The following CSMD1 variants were observed in gnomAD, a reference collection of about 807,000 sequenced individuals.
CSMD1 encodes the protein CUB and Sushi multiple domains 1.
In CSMD1, 213 loss-of-function variants were observed where a neutral mutation model predicts 417.5. The ratio of observed to expected loss-of-function variants is 0.51; its 90% CI spans 0.46 to 0.57. The LOEUF (loss-of-function observed/expected upper bound fraction) is 0.57, where lower values mean the gene tolerates loss of function less well. Among genes scored for constraint, CSMD1 ranks in the 20% least tolerant of loss-of-function variants. The pLI is 0.00. For missense variants in CSMD1, 6,923 were observed against 4,529.7 expected (o/e 1.53, Z -15.17); for synonymous variants, 2,862 against 1,736.8 (o/e 1.65, Z -16.11).
chr8:4,215,381 A>G (rs1800603873), intron 3 of CSMD1, among the ~76,000 whole-genome samples: 1 of 152,214 alleles, frequency 6.6e-6, no homozygotes, highest in South Asian at 2.1e-4. Flanking sequence ...TAGATAGAAC[A>G]TGAATAACAG....
chr8:4,244,308 T>C (rs925506806), intron 3 of CSMD1, among the ~76,000 whole-genome samples: 6 of 152,100 alleles, frequency 3.9e-5, no homozygotes, highest in African/African-American at 1.4e-4. Context: ...TGCAGTCTTG[T>C]CTCCATGCCT....
intron 5 of CSMD1, among the ~76,000 whole-genome samples, chr8:3,870,057 A>G (rs1422901029): frequency 2.0e-5 from 3 of 152,192 alleles, no homozygotes; most frequent in Non-Finnish European, 4.4e-5. Context: ...CTTAACTGTA[A>G]GCATACCCTC....
At chr8:3,276,620 A>G (rs1009704551) in intron 26 of CSMD1, among the ~76,000 whole-genome samples, 7 of 152,184 alleles carry the variant, frequency 4.6e-5, no homozygotes, top group African/African-American at 1.7e-4. Context: ...ACAATTCAAG[A>G]TAAGTTTTGG....
intron 26 of CSMD1, among the ~76,000 whole-genome samples, chr8:3,262,471 T>C (rs571959209): frequency 1.9e-4 from 29 of 151,170 alleles, no homozygotes; most frequent in African/African-American, 6.3e-4. Context: ...AAAGAAAGTG[T>C]CCTTTCCAGT....
chr8:4,371,439 G>A (rs13279504), intron 3 of CSMD1, among the ~76,000 whole-genome samples: 12,600 of 152,224 alleles, frequency 0.083, 712 homozygotes, highest in African/African-American at 0.16. Flanking sequence ...TTTTAAGGAG[G>A]AAATGGAGCA....
At chr8:4,123,815 G>A (rs536027617) in intron 3 of CSMD1, among the ~76,000 whole-genome samples, 36 of 152,250 alleles carry the variant, frequency 2.4e-4, no homozygotes, top group Admixed American at 1.1e-3. Context: ...AGAGAACTAA[G>A]TTCAAGTGAG....
chr8:4,623,789 C>G (rs6998666), intron 2 of CSMD1, among the ~76,000 whole-genome samples: 61,738 of 151,654 alleles, frequency 0.41, 13,056 homozygotes, highest in Admixed American at 0.55. Context: ...TTCAAAAAAG[C>G]AAACTAATTC....
intron 2 of CSMD1, among the ~76,000 whole-genome samples, chr8:4,469,593 G>T (rs372539147): frequency 1.1e-4 from 16 of 152,112 alleles, no homozygotes; most frequent in Non-Finnish European, 2.4e-4. Context: ...CCTTGGAGTG[G>T]TCTTTGACTC....
At chr8:3,410,311 G>C (rs1403425499) in intron 12 of CSMD1, among the ~76,000 whole-genome samples, 2 of 152,130 alleles carry the variant, frequency 1.3e-5, no homozygotes, top group African/African-American at 4.8e-5. Flanking sequence ...CCTGTTCTAG[G>C]TAAGGGCTTA....
At position 4,479,462 on chromosome 8, in the gene CSMD1, T is replaced by A. The variant is rs180941820; in HGVS notation, c.303-59397A>T. 2.1e-3 allele frequency among the ~76,000 whole-genome samples: 320 copies of A among 152,330 alleles called. 2 individuals are homozygous for A. Among genetic ancestry groups the A allele is most frequent in the Non-Finnish European group, 4.0e-3 (274 of 68,016 alleles). On this transcript the variant is annotated intron_variant, in intron 2 of 69. Coordinates refer to ENST00000635120, the MANE Select transcript of CSMD1 (RefSeq NM_033225.6). ...ACAATATATTTGGTGCAACTTACCA[T>A]ACAACCAAAATAACAAAGACCTTAA...
intron 5 of CSMD1, among the ~76,000 whole-genome samples, chr8:3,980,795 A>G (rs1031346793): frequency 1.3e-5 from 2 of 152,172 alleles, no homozygotes; most frequent in Non-Finnish European, 2.9e-5. Flanking sequence ...GACTGGGGAT[A>G]CATACCCCTT....
chr8:3,363,425 G>T (rs1161442350), intron 20 of CSMD1, among the ~76,000 whole-genome samples: 1 of 152,196 alleles, frequency 6.6e-6, no homozygotes, highest in Non-Finnish European at 1.5e-5. Context: ...AACAAATTCT[G>T]CCTAGGGAAA....
intron 30 of CSMD1, among the ~76,000 whole-genome samples, chr8:3,209,858 A>G (rs1007874215): frequency 6.6e-6 from 1 of 152,222 alleles, no homozygotes; most frequent in Non-Finnish European, 1.5e-5. Flanking sequence ...TAATTAGAAT[A>G]TATACATCTC....
chr8:4,920,784 T>C (rs1459816245), intron 1 of CSMD1, among the ~76,000 whole-genome samples: 1 of 150,802 alleles, frequency 6.6e-6, no homozygotes, highest in African/African-American at 2.5e-5. Flanking sequence ...GATTGTGCCA[T>C]TGCGGTCCAG....
chr8:3,738,776 G>A (rs184898654), intron 6 of CSMD1, among the ~76,000 whole-genome samples: 31 of 152,256 alleles, frequency 2.0e-4, no homozygotes, highest in African/African-American at 5.3e-4. Flanking sequence ...AACAACCTCC[G>A]TCAACTGGGT....
chr8:3,219,733 C>A (rs917851867), intron 28 of CSMD1, among the ~76,000 whole-genome samples: 1 of 152,060 alleles, frequency 6.6e-6, no homozygotes, highest in Non-Finnish European at 1.5e-5. Context: ...GTATGCTATC[C>A]TTTCCGTGTA....
intron 7 of CSMD1, among the ~76,000 whole-genome samples, chr8:3,699,360 T>A (rs1483762375): frequency 6.6e-6 from 1 of 152,222 alleles, no homozygotes; most frequent in Non-Finnish European, 1.5e-5. Context: ...GGATGAATTA[T>A]TTAATTATTT....
intron 20 of CSMD1, among the ~76,000 whole-genome samples, chr8:3,362,344 A>C (rs897065586): frequency 6.6e-6 from 1 of 152,042 alleles, no homozygotes; most frequent in Non-Finnish European, 1.5e-5. Context: ...CTTCCACTCA[A>C]ATGATCTTAC....
At chr8:4,936,630 G>A (rs1241721238) in intron 1 of CSMD1, among the ~76,000 whole-genome samples, 4 of 152,222 alleles carry the variant, frequency 2.6e-5, no homozygotes, top group Admixed American at 2.6e-4. Context: ...ATTACCTGGG[G>A]ATGCATTTTA....
Sources: gnomAD v4.1 joint callset for allele counts (sites outside exome capture counted in the v4.1 genomes callset) on GRCh38, gnomAD v4.1.1 for gene constraint, MANE v1.5 for transcripts, NCBI Gene and HGNC (gene_info 2026-07-23, HGNC 2026-07-21) for gene names.